TBC1D9: variants seen among roughly 807,000 people sequenced by gnomAD.
TBC1D9 encodes TBC1 domain family member 9A.
In TBC1D9, 63 loss-of-function variants were observed where a neutral mutation model predicts 132.0. The ratio of observed to expected loss-of-function variants is 0.48; its 90% CI spans 0.39 to 0.59. The LOEUF (loss-of-function observed/expected upper bound fraction) is 0.59, where lower values mean the gene tolerates loss of function less well. Ranked by LOEUF, TBC1D9 falls within the 20% of genes least tolerant of loss-of-function variation. TBC1D9 has a pLI of 0.00. For missense variants in TBC1D9, 1,261 were observed against 1,592.7 expected, an observed-to-expected ratio of 0.79 and a Z score of 3.54; for synonymous variants, 610 against 609.9, an observed-to-expected ratio of 1.00 and a Z score of 0.00.
intron 1 of TBC1D9, chr4:140,716,114 C>A (rs958994878): frequency 6.6e-6 from 1 of 152,190 alleles, no homozygotes; most frequent in African/African-American, 2.4e-5. Context: ...AAGTCCCTTA[C>A]AGAATATATT....
intron 1 of TBC1D9, among the ~76,000 whole-genome samples, chr4:140,733,138 A>T (rs1738623909): frequency 6.6e-6 from 1 of 152,222 alleles, no homozygotes; most frequent in Admixed American, 6.5e-5. Flanking sequence ...TGGTGGAAAA[A>T]CAAAAAATAA....
intron 1 of TBC1D9, among the ~76,000 whole-genome samples, chr4:140,732,144 C>T (rs1397914441): frequency 6.6e-6 from 1 of 152,128 alleles, no homozygotes; most frequent in Admixed American, 6.6e-5. Flanking sequence ...GAAGTAGTAC[C>T]AGTTGAAAAT....
intron 1 of TBC1D9, among the ~76,000 whole-genome samples, chr4:140,744,924 C>G (rs953222865): frequency 6.6e-6 from 1 of 151,508 alleles, no homozygotes; most frequent in Non-Finnish European, 1.5e-5. Context: ...TCTTCACAAC[C>G]CCTTACCTTT....
chr4:140,658,927 G>A (rs1459202151), intron 11 of TBC1D9, among the ~76,000 whole-genome samples: 1 of 152,034 alleles, frequency 6.6e-6, no homozygotes, highest in Non-Finnish European at 1.5e-5. Flanking sequence ...CATGATCAAC[G>A]TAAGGACATT....
intron 13 of TBC1D9, chr4:140,643,196 A>C (rs888168703): frequency 5.6e-6 from 8 of 1,416,240 alleles, no homozygotes; most frequent in African/African-American, 2.8e-5. Context: ...GTGAGGGCCG[A>C]GCCACCAGGG....
chr4:140,752,216 T>TA (rs1171141619), intron 1 of TBC1D9, among the ~76,000 whole-genome samples: 5 of 152,152 alleles, frequency 3.3e-5, no homozygotes, highest in Middle Eastern at 3.2e-3. Flanking sequence ...TGTGGTATAC[T>TA]CATATCATAG....
intron 9 of TBC1D9, 128 bp downstream of exon 9, chr4:140,668,789 A>G (rs1737487477): frequency 2.1e-6 from 2 of 959,738 alleles, no homozygotes; most frequent in Non-Finnish European, 3.0e-6. Flanking sequence ...GTGAGGAAAC[A>G]TGATGTAGCT....
chr4:140,646,303 C>T (rs1560872260), intron 13 of TBC1D9, among the ~76,000 whole-genome samples: 1 of 152,210 alleles, frequency 6.6e-6, no homozygotes, highest in East Asian at 1.9e-4. Context: ...AGAACTCGTG[C>T]TCTTAGCTCC....
intron 1 of TBC1D9, among the ~76,000 whole-genome samples, chr4:140,717,955 C>A (rs1738364232): frequency 6.6e-6 from 1 of 152,080 alleles, no homozygotes. Context: ...TTGTGCCCTG[C>A]AAACACTATC....
intron 1 of TBC1D9, among the ~76,000 whole-genome samples, chr4:140,714,244 T>C (rs1474020097): frequency 6.6e-6 from 1 of 152,202 alleles, no homozygotes; most frequent in Admixed American, 6.5e-5. Flanking sequence ...AATATGAGTG[T>C]TCAAGGCCTG....
chr4:140,675,684 T>G (rs1223105798), intron 6 of TBC1D9, among the ~76,000 whole-genome samples: 1 of 152,134 alleles, frequency 6.6e-6, no homozygotes, highest in Non-Finnish European at 1.5e-5. Context: ...GATCTAAAAC[T>G]TGCAGAGATA....
intron 15 of TBC1D9, among the ~76,000 whole-genome samples, chr4:140,637,162 C>T (rs751740462): frequency 1.3e-5 from 2 of 152,010 alleles, no homozygotes; most frequent in African/African-American, 4.8e-5. Flanking sequence ...CCAGCATGGC[C>T]AATATGGTGA....
Position 140,685,588 on chromosome 4 carries a change from G to C in TBC1D9, c.360+756C>G, listed in dbSNP as rs527279427. ...GCAATGTCTTCCTAGATAATTACCT[G>C]TACTGGAGTGGGGGTGGGGAAGGCT... is the stretch of plus-strand genomic sequence containing the variant. On this transcript the variant is annotated intron_variant, in intron 3 of 20. Coordinates refer to ENST00000442267, the MANE Select transcript of TBC1D9 (RefSeq NM_015130.3). Among the ~76,000 whole-genome samples the C allele has an allele frequency of 3.7e-4, 57 of 152,256 alleles. 1 individual carries two copies. The highest frequency in any genetic ancestry group is 1.3e-3 in the African/African-American group (54 of 41,554).
intron 18 of TBC1D9, among the ~76,000 whole-genome samples, chr4:140,625,050 C>G (rs1736683371): frequency 8.3e-6 from 1 of 120,606 alleles, no homozygotes; most frequent in Non-Finnish European, 1.9e-5. Flanking sequence ...AAAACTCCAT[C>G]TCAAAAAAAA....
chr4:140,624,262 A>C (rs1401793162), intron 19 of TBC1D9, 43 bp from the exon 20 acceptor site: 4 of 1,611,160 alleles, frequency 2.5e-6, no homozygotes, highest in Middle Eastern at 1.6e-4. Context: ...CAGGCCAAAA[A>C]ACAAGTGTAC....
intron 1 of TBC1D9, 98 bp downstream of exon 1, chr4:140,755,818 G>C: frequency 7.3e-7 from 1 of 1,377,934 alleles, no homozygotes; most frequent in Non-Finnish European, 9.3e-7. Context: ...CCCAGCCCCA[G>C]GGGACCGGGC....
Position 140,671,459 on chromosome 4 carries a change from TAA to T in TBC1D9, c.1060-535_1060-534del, listed in dbSNP as rs1208486381. Among the ~76,000 whole-genome samples, 8 of 152,308 alleles carry T rather than the reference TAA, an allele frequency of 5.3e-5. No individual in the cohort carries two copies. In the East Asian group the frequency reaches 1.5e-3, roughly 29 times the overall value. The stretch of plus-strand genomic sequence containing the variant: ...GGGCTCCTCGCTGCTTCATCAGCCA[TAA>T]GAGACAGAAAACAACCCATGATACT... On this transcript the variant is annotated intron_variant, in intron 6 of 20. Transcript: ENST00000442267.
intron 1 of TBC1D9, among the ~76,000 whole-genome samples, chr4:140,739,729 A>G (rs929817316): frequency 6.6e-6 from 1 of 152,250 alleles, no homozygotes; most frequent in Admixed American, 6.5e-5. Context: ...AAAGCTGGGC[A>G]CAGCGGTACA....
At chr4:140,716,712 C>A (rs1423243779) in intron 1 of TBC1D9, among the ~76,000 whole-genome samples, 1 of 152,002 alleles carries the variant, frequency 6.6e-6, no homozygotes, top group East Asian at 1.9e-4. Flanking sequence ...TGAGCAAAAA[C>A]ACAAGGTGGG....
Sources: gnomAD v4.1 joint callset for allele counts (sites outside exome capture counted in the v4.1 genomes callset) on GRCh38, gnomAD v4.1.1 for gene constraint, MANE v1.5 for transcripts, NCBI Gene and HGNC (gene_info 2026-07-23, HGNC 2026-07-21) for gene names.